MGAT5B: variants seen among roughly 807,000 people sequenced by gnomAD.
MGAT5B encodes alpha-1,6-mannosylglycoprotein 6-beta-N-acetylglucosaminyltransferase B, also known as N-acetylglucosaminyl-transferase Vb.
In MGAT5B, 54 loss-of-function variants were observed where a neutral mutation model predicts 95.1. That is an observed-to-expected ratio of 0.57 (90% CI 0.46 to 0.71). The LOEUF is 0.71. Among genes scored for constraint, MGAT5B ranks in the 30% least tolerant of loss-of-function variants. The pLI is 0.00. For missense variants in MGAT5B, 935 were observed against 1,088.6 expected, an observed-to-expected ratio of 0.86 and a Z score of 1.99; for synonymous variants, 464 against 451.0, an observed-to-expected ratio of 1.03 and a Z score of -0.36.
chr17:76,948,086 A>C lies in MGAT5B; in HGVS notation c.2180A>C (p.Lys727Thr), dbSNP rs1367028085. 1 of 1,591,530 alleles carries C rather than the reference A, an allele frequency of 6.3e-7. No individual in the cohort carries two copies. The highest frequency in any genetic ancestry group is 2.2e-5 in the East Asian group (1 of 44,642). Residue 727 changes from lysine (K) to threonine (T), a missense_variant and splice_region_variant, in exon 17 of 18, where the codon AAG (lysine) becomes ACG (threonine). By Grantham distance (78) the Lys-to-Thr change is moderately conservative (BLOSUM62 -1). This residue lies in a region of MGAT5B where 440 missense variants were observed against 523.6 expected (regional missense o/e 0.84). Coordinates refer to ENST00000569840, the MANE Select transcript of MGAT5B (RefSeq NM_001199172.2). ...PFLNSQDAFL[K>T]LQVPCDSTES... is the part of the protein sequence containing the mutation. ...CTGAACAGCCAGGACGCCTTCCTCA[A>C]GTGAGTGTTCCCCCACCCTCCCCAC...
Position 76,905,972 on chromosome 17 carries a change from G to T in MGAT5B, c.856-46G>T. On this transcript the variant is annotated intron_variant, in intron 7 of 17. Transcript: ENST00000569840. This position sits in a 1 kb window ranked among gnomAD's most constrained non-coding sequence, Gnocchi z 4.2. Reference sequence around the variant, plus strand: ...CGGTGCCCCGGGGGGGCGGGGCTCAGAGCTGCTGCTCCTCTCTGCTGACCC... The same window carrying T: ...CGGTGCCCCGGGGGGGCGGGGCTCATAGCTGCTGCTCCTCTCTGCTGACCC... The T allele has an allele frequency of 6.5e-7, 1 of 1,534,654 alleles. No homozygotes were observed.
Position 76,906,455 on chromosome 17 carries a change from A to G in MGAT5B, c.1025+268A>G, listed in dbSNP as rs1968532651. Among the ~76,000 whole-genome samples the G allele has an allele frequency of 6.6e-6, 1 of 152,210 alleles. No individual in the cohort carries two copies. The highest frequency in any genetic ancestry group is 2.4e-5 in the African/African-American group (1 of 41,448). On this transcript the variant is annotated intron_variant, in intron 8 of 17. Transcript: ENST00000569840. This position sits in a 1 kb window ranked among gnomAD's most constrained non-coding sequence, Gnocchi z 4.6. ...GGCTCCTTCTCTGGTGTTTCTGCTC[A>G]GGGGCTGACACGTGTTGGCTTGTGG...
chr17:76,928,794 C>T (rs537695957), intron 10 of MGAT5B, among the ~76,000 whole-genome samples: 1 of 152,120 alleles, frequency 6.6e-6, no homozygotes, highest in Admixed American at 6.5e-5. Flanking sequence ...GATCAGGGCA[C>T]CGAGGAGTGG....
At position 76,905,058 on chromosome 17, in the gene MGAT5B, TG is replaced by T; in HGVS notation, c.691-109del. On this transcript the variant is annotated intron_variant, in intron 6 of 17. Coordinates refer to ENST00000569840, the MANE Select transcript of MGAT5B (RefSeq NM_001199172.2). This position sits in a 1 kb window ranked among gnomAD's most constrained non-coding sequence, Gnocchi z 4.2. ...GCCCCTTAGAAAGTGCAGGAGAAGC[TG>T]GAGCAGGCCCCAGCCTCATGGGAGG... 8.2e-7 allele frequency: 1 copy of T among 1,212,556 alleles called. No homozygotes were observed. Among genetic ancestry groups the T allele is most frequent in the South Asian group, 1.8e-5 (1 of 55,988 alleles). The allele number at this position is 1,212,556 out of a possible 1,614,324, so 75.1% of individuals were successfully genotyped here. A position where few individuals can be genotyped will look rare whatever the true frequency, so the allele number is the denominator to read the frequency against.
rs186904208 is a variant in MGAT5B, at chr17:76,917,993, G to A, written c.1026-6973G>A. On this transcript the variant is annotated intron_variant, in intron 8 of 17. Transcript: ENST00000569840. This position sits in a 1 kb window ranked among gnomAD's most constrained non-coding sequence, Gnocchi z 6.1. Reference sequence around the variant, plus strand: ...AGTTCCCGTTCCTCTTCCTGCAGCCGTGCTGGCAGCCAGCGGGGTGAGTGT... The same window carrying A: ...AGTTCCCGTTCCTCTTCCTGCAGCCATGCTGGCAGCCAGCGGGGTGAGTGT... 1.2e-3 allele frequency among the ~76,000 whole-genome samples: 185 copies of A among 152,246 alleles called. 2 individuals are homozygous for A. Among genetic ancestry groups the A allele is most frequent in the Middle Eastern group, 3.4e-3 (1 of 292 alleles).
At chr17:76,877,616 T>TGTCCTTG (rs1967238859) in intron 2 of MGAT5B, among the ~76,000 whole-genome samples, 1 of 152,188 alleles carries the variant, frequency 6.6e-6, no homozygotes, top group Non-Finnish European at 1.5e-5. Flanking sequence ...TCCCACGGCC[T>TGTCCTTG]GTCCTTGTCT....
intron 3 of MGAT5B, among the ~76,000 whole-genome samples, chr17:76,886,170 C>T (rs1967622833): frequency 6.6e-6 from 1 of 152,130 alleles, no homozygotes. Flanking sequence ...ATAAAACCAC[C>T]GAAATTTGAG....
chr17:76,932,067 T>C (rs1299520129), intron 10 of MGAT5B, among the ~76,000 whole-genome samples: 3 of 102,802 alleles, frequency 2.9e-5, no homozygotes, highest in Non-Finnish European at 5.8e-5. Flanking sequence ...CCTCCTTTTT[T>C]CCTCCTCCTC....
chr17:76,893,438 A>G (rs1042716592), intron 3 of MGAT5B, among the ~76,000 whole-genome samples: 3 of 152,234 alleles, frequency 2.0e-5, no homozygotes, highest in Admixed American at 2.0e-4. Flanking sequence ...CTGCTCTGCC[A>G]GAAGCAGCCG....
At position 76,930,464 on chromosome 17, in the gene MGAT5B, C is replaced by T. The variant is rs1457334792; in HGVS notation, c.1292-2181C>T. ...GAAATCAAGGCTGGGCAGCTGCTCCCAGCCTCCTCACTCACCATAGCCCCT... is the reference window on the plus strand; with the variant it reads ...GAAATCAAGGCTGGGCAGCTGCTCCTAGCCTCCTCACTCACCATAGCCCCT... On this transcript the variant is annotated intron_variant, in intron 10 of 17. Coordinates refer to ENST00000569840, the MANE Select transcript of MGAT5B (RefSeq NM_001199172.2). This position sits in a 1 kb window ranked among gnomAD's most constrained non-coding sequence, Gnocchi z 4.1. 6.6e-6 allele frequency among the ~76,000 whole-genome samples: 1 copy of T among 152,188 alleles called. No homozygotes were observed. Among genetic ancestry groups the T allele is most frequent in the East Asian group, 1.9e-4 (1 of 5,202 alleles).
chr17:76,940,424 C>T lies in MGAT5B; in HGVS notation c.1607C>T (p.Pro536Leu), dbSNP rs866973728. 1 of 1,610,882 alleles carries T rather than the reference C, an allele frequency of 6.2e-7. No homozygotes were observed. The highest frequency in any genetic ancestry group is 8.5e-7 in the Non-Finnish European group (1 of 1,178,260). ...CAGCTCTTCATCGGGTTTGGCTTCC[C>T]CTACGAGGGCCCCGCCCCCCTGGAG... is the stretch of plus-strand genomic sequence containing the variant. Reference protein sequence around the residue: ...KAKLFIGFGFPYEGPAPLEAI... With the variant: ...KAKLFIGFGFLYEGPAPLEAI... Residue 536 changes from proline to leucine, a missense_variant, in exon 14 of 18, where the codon CCC becomes CTC. By Grantham distance (98) the Pro-to-Leu change is moderately conservative. This residue lies in a region of MGAT5B where 440 missense variants were observed against 523.6 expected (regional missense o/e 0.84). Transcript: ENST00000569840. This position sits in a 1 kb window ranked among gnomAD's most constrained non-coding sequence, Gnocchi z 4.3.
rs1969436803 is a variant in MGAT5B, at chr17:76,930,215, G to A, written c.1292-2430G>A. Among the ~76,000 whole-genome samples, 1 of 151,672 alleles carries A rather than the reference G, an allele frequency of 6.6e-6. No individual in the cohort carries two copies. On this transcript the variant is annotated intron_variant, in intron 10 of 17. Coordinates refer to ENST00000569840, the MANE Select transcript of MGAT5B (RefSeq NM_001199172.2). This position sits in a 1 kb window ranked among gnomAD's most constrained non-coding sequence, Gnocchi z 4.1. ...TCTGTAGTTGAATTTTCAGGCCCAAGAATCTGTGAGCTTTGGGGGCACTTA... is the reference window on the plus strand; with the variant it reads ...TCTGTAGTTGAATTTTCAGGCCCAAAAATCTGTGAGCTTTGGGGGCACTTA...
Position 76,916,645 on chromosome 17 carries a change from A to T in MGAT5B, c.1026-8321A>T, listed in dbSNP as rs1368795952. Among the ~76,000 whole-genome samples the T allele has an allele frequency of 2.6e-5, 4 of 152,152 alleles. No homozygotes were observed. Among genetic ancestry groups the T allele is most frequent in the African/African-American group, 9.7e-5 (4 of 41,432 alleles). ...CTCATCTCTACAAGAAAAAACTCAG[A>T]AAGAAATGAGGAGAAGGGCTGGCTT... On this transcript the variant is annotated intron_variant, in intron 8 of 17. Coordinates refer to ENST00000569840, the MANE Select transcript of MGAT5B (RefSeq NM_001199172.2). The surrounding 1 kb of genome is among the most constrained non-coding windows in gnomAD (Gnocchi z 5.3).
chr17:76,935,932 T>C (rs1338206298), intron 12 of MGAT5B, among the ~76,000 whole-genome samples: 1 of 141,026 alleles, frequency 7.1e-6, no homozygotes, highest in African/African-American at 2.6e-5. Context: ...TATATAATTA[T>C]ATATACTATA....
At position 76,905,195 on chromosome 17, in the gene MGAT5B, C is replaced by T. The variant is rs773316061; in HGVS notation, c.717C>T (p.His239=). 31 of 1,612,586 alleles carry T rather than the reference C, an allele frequency of 1.9e-5. No individual in the cohort carries two copies. In the Admixed American group the frequency reaches 4.8e-4, roughly 25 times the overall value. ...VQAVFRSNLS[H]LLDLMGSGKE... ...CAGTTTTCCGAAGCAACCTGTCCCA[C>T]CTTCTGGACCTGATGGGCAGCGGGA... Residue 239 remains histidine (H), a synonymous_variant, in exon 7 of 18, where the codon CAC becomes CAT. Coordinates refer to ENST00000569840, the MANE Select transcript of MGAT5B (RefSeq NM_001199172.2). This position sits in a 1 kb window ranked among gnomAD's most constrained non-coding sequence, Gnocchi z 4.2.
Position 76,882,269 on chromosome 17 carries a change from C to A in MGAT5B, c.300C>A (p.Ala100=), listed in dbSNP as rs747042398. The A allele has an allele frequency of 6.2e-7, 1 of 1,612,872 alleles. No homozygotes were observed. Among genetic ancestry groups the A allele is most frequent in the African/African-American group, 1.3e-5 (1 of 75,048 alleles). The change falls in exon 3 of 18, where the codon GCC becomes GCA. Residue 100 remains alanine (A), a synonymous_variant. Transcript: ENST00000569840. ...AGAACAGCAGTGAGCTGCACCGGGC[C>A]GGCGGCGACCTGCACTTTCCCGCAG... ...RLENSSELHR[A]GGDLHFPADR...
chr17:76,899,076 A>AGCCTCGCTCCAGGGAGAGGT (rs1968205079), intron 3 of MGAT5B, among the ~76,000 whole-genome samples: 1 of 152,166 alleles, frequency 6.6e-6, no homozygotes, highest in Non-Finnish European at 1.5e-5. Flanking sequence ...GATGGAGAGG[A>AGCCTCGCTCCAGGGAGAGGT]GCCTCGCTCC....
At position 76,906,864 on chromosome 17, in the gene MGAT5B, A is replaced by G. The variant is rs1210825697; in HGVS notation, c.1025+677A>G. 3.3e-5 allele frequency among the ~76,000 whole-genome samples: 5 copies of G among 152,078 alleles called. No homozygotes were observed. The highest frequency in any genetic ancestry group is 4.8e-5 in the African/African-American group (2 of 41,374). On this transcript the variant is annotated intron_variant, in intron 8 of 17. Transcript: ENST00000569840. This position sits in a 1 kb window ranked among gnomAD's most constrained non-coding sequence, Gnocchi z 4.6. ...TCTTTATTAATATTTATTGTAAGAT[A>G]TATGATGCATACAAAGTCTATGTAA...
chr17:76,903,869 C>T (rs1202790196), intron 5 of MGAT5B, among the ~76,000 whole-genome samples: 4 of 152,214 alleles, frequency 2.6e-5, no homozygotes, highest in Non-Finnish European at 5.9e-5. Flanking sequence ...CGCCCTGGCT[C>T]CAGCCCTGGC....
Sources: gnomAD v4.1 joint callset for allele counts (sites outside exome capture counted in the v4.1 genomes callset) on GRCh38, gnomAD v4.1.1 for gene constraint, gnomAD v4.1.1 regional missense constraint, Gnocchi (gnomAD v3.1) non-coding constraint, MANE v1.5 for transcripts, NCBI Gene and HGNC (gene_info 2026-07-23, HGNC 2026-07-21) for gene names.